MDGA2: variants seen among roughly 807,000 people sequenced by gnomAD.
MDGA2 encodes MAM domain-containing glycosylphosphatidylinositol anchor protein 2.
A neutral mutation model predicts 117.8 loss-of-function variants in MDGA2; 40 were observed. The observed-to-expected ratio is 0.34, with a 90% CI of 0.26 to 0.44. The LOEUF is 0.44. Among genes scored for constraint, MDGA2 ranks in the 20% least tolerant of loss-of-function variants. The pLI is 1.00. For synonymous variants in MDGA2, 452 were observed against 439.0 expected, an observed-to-expected ratio of 1.03 and a Z score of -0.37; for missense variants, 1,123 against 1,250.6, an observed-to-expected ratio of 0.90 and a Z score of 1.54.
chr14:46,938,803 C>T (rs1274445859), intron 9 of MDGA2, among the ~76,000 whole-genome samples: 1 of 152,030 alleles, frequency 6.6e-6, no homozygotes, highest in East Asian at 1.9e-4. Flanking sequence ...TACAGAGATA[C>T]TTACACTCGC....
intron 1 of MDGA2, among the ~76,000 whole-genome samples, chr14:47,421,974 ATAAAG>A (rs3039605): frequency 0.39 from 59,349 of 151,432 alleles, 11,586 homozygotes; most frequent in South Asian, 0.56. Flanking sequence ...GGTGACTGTA[ATAAAG>A]TATTGTACAA....
chr14:47,031,943 A>G (rs1888678474), intron 8 of MDGA2, among the ~76,000 whole-genome samples: 1 of 152,194 alleles, frequency 6.6e-6, no homozygotes, highest in South Asian at 2.1e-4. Context: ...CTGTAAGCCA[A>G]TTAAACTTCT....
chr14:47,301,674 C>T, intron 1 of MDGA2, 124 bp from the exon 2 acceptor site: 1 of 1,037,814 alleles, frequency 9.6e-7, no homozygotes, highest in Non-Finnish European at 1.4e-6. Context: ...TAGTCAGATT[C>T]ATCAGTCTTA....
chr14:47,316,926 T>A (rs1383820734), intron 1 of MDGA2, among the ~76,000 whole-genome samples: 1 of 152,054 alleles, frequency 6.6e-6, no homozygotes, highest in Non-Finnish European at 1.5e-5. Flanking sequence ...GAACTGAGGG[T>A]CTAATTCCAG....
chr14:46,974,043 A>G (rs1886364655), intron 8 of MDGA2, among the ~76,000 whole-genome samples: 1 of 151,980 alleles, frequency 6.6e-6, no homozygotes, highest in South Asian at 2.1e-4. Flanking sequence ...CCAGCTAATC[A>G]GCTGCATTTC....
chr14:47,172,809 G>C (rs1052916342), intron 3 of MDGA2, among the ~76,000 whole-genome samples: 3 of 152,210 alleles, frequency 2.0e-5, no homozygotes, highest in Admixed American at 2.0e-4. Flanking sequence ...GAATGACTTT[G>C]ACAAGTTGAG....
chr14:47,553,575 T>G (rs573829076), intron 1 of MDGA2, among the ~76,000 whole-genome samples: 78 of 152,324 alleles, frequency 5.1e-4, no homozygotes, highest in Admixed American at 8.5e-4. Flanking sequence ...AAATGTCACC[T>G]CTATTTTAAT....
intron 1 of MDGA2, among the ~76,000 whole-genome samples, chr14:47,537,947 G>T (rs1895257570): frequency 6.6e-6 from 1 of 152,148 alleles, no homozygotes; most frequent in Admixed American, 6.5e-5. Flanking sequence ...GCACAGGTGG[G>T]CAGTTTTATA....
Position 47,200,937 on chromosome 14 carries a change from C to A in MDGA2, c.595+17084G>T, listed in dbSNP as rs183496538. The stretch of plus-strand genomic sequence containing the variant: ...GTCTTGTGGGGCAGCAAGCCTCGCT[C>A]GGTCCGAACTTCAACTTGTTTCTGT... On this transcript the variant is annotated intron_variant, in intron 3 of 16. Transcript: ENST00000399232. The A allele has an allele frequency of 2.2e-4, 184 of 827,658 alleles. 1 individual carries two copies. The East Asian group carries it at 4.0e-3, about 18-fold the overall frequency. 51.3% of individuals were successfully genotyped at this position (827,658 alleles called of 1,614,324 possible). A position where few individuals can be genotyped will look rare whatever the true frequency, so the allele number is the denominator to read the frequency against.
chr14:47,383,998 T>C (rs539023615), intron 1 of MDGA2, among the ~76,000 whole-genome samples: 2 of 115,144 alleles, frequency 1.7e-5, no homozygotes, highest in Admixed American at 2.0e-4. Context: ...GATAGATAGA[T>C]AGATAGATAG....
At chr14:47,014,018 C>A (rs1887995329) in intron 8 of MDGA2, among the ~76,000 whole-genome samples, 1 of 151,756 alleles carries the variant, frequency 6.6e-6, no homozygotes, top group African/African-American at 2.4e-5. Context: ...TGGTCTTGAA[C>A]TCCTGACCTC....
chr14:47,674,394 T>C, intron 1 of MDGA2, 123 bp downstream of exon 1: 1 of 789,250 alleles, frequency 1.3e-6, no homozygotes, highest in Non-Finnish European at 2.1e-6. Context: ...AATAACGTGA[T>C]GAAGTGTAAA....
intron 1 of MDGA2, among the ~76,000 whole-genome samples, chr14:47,574,296 T>G (rs761681): frequency 0.31 from 47,007 of 152,026 alleles, 7,662 homozygotes; most frequent in Non-Finnish European, 0.35. Context: ...CTTCCTGGGC[T>G]GCTTGCCAAG....
chr14:47,511,490 GT>G (rs1894639591), intron 1 of MDGA2, among the ~76,000 whole-genome samples: 1 of 152,038 alleles, frequency 6.6e-6, no homozygotes, highest in African/African-American at 2.4e-5. Flanking sequence ...GGAAGAGATT[GT>G]TTTGTTTATA....
chr14:47,042,822 T>A (rs1889125467), intron 7 of MDGA2, among the ~76,000 whole-genome samples: 1 of 152,090 alleles, frequency 6.6e-6, no homozygotes, highest in Non-Finnish European at 1.5e-5. Flanking sequence ...TCAGTGTAAG[T>A]GAGAATAATG....
At chr14:47,457,244 C>G (rs1265876804) in intron 1 of MDGA2, among the ~76,000 whole-genome samples, 1 of 152,136 alleles carries the variant, frequency 6.6e-6, no homozygotes, top group Non-Finnish European at 1.5e-5. Context: ...TATCATCAAA[C>G]AGCATGCATT....
chr14:46,842,378 A>G (rs539063459), intron 16 of MDGA2, among the ~76,000 whole-genome samples: 32 of 152,130 alleles, frequency 2.1e-4, no homozygotes, highest in Middle Eastern at 3.4e-3. Flanking sequence ...CAAAAAGTAG[A>G]TTTTTTTTCA....
chr14:47,105,317 C>T (rs1880592152), intron 5 of MDGA2, among the ~76,000 whole-genome samples: 1 of 152,004 alleles, frequency 6.6e-6, no homozygotes, highest in African/African-American at 2.4e-5. Context: ...CTCTGTGCCC[C>T]AATCCCTTAT....
At chr14:46,892,000 C>T (rs1451458294) in intron 10 of MDGA2, among the ~76,000 whole-genome samples, 1 of 151,574 alleles carries the variant, frequency 6.6e-6, no homozygotes, top group Non-Finnish European at 1.5e-5. Context: ...GTTAACATAC[C>T]CTCATCTGTG....
Sources: allele counts gnomAD v4.1 joint callset (sites outside exome capture counted in the v4.1 genomes callset), GRCh38; gene constraint gnomAD v4.1.1; transcripts MANE v1.5; gene names NCBI Gene and HGNC (gene_info 2026-07-23, HGNC 2026-07-21).